ZDHHC21: variants seen among roughly 807,000 people sequenced by gnomAD.
ZDHHC21 encodes zDHHC palmitoyltransferase 21, also known as palmitoyltransferase ZDHHC21.
A neutral mutation model predicts 34.6 loss-of-function variants in ZDHHC21; 15 were observed. That is an observed-to-expected ratio of 0.43 (90% CI 0.29 to 0.67). ZDHHC21 has a LOEUF of 0.67. ZDHHC21 is among the 30% of genes least tolerant of loss of function. The probability of loss-of-function intolerance (pLI) is 0.14; values close to 1 mark genes in which losing one functional copy is unlikely to be tolerated. For missense variants in ZDHHC21, 344 were observed against 327.7 expected (o/e 1.05, Z -0.38); for synonymous variants, 142 against 101.8 (o/e 1.40, Z -2.38).
intron 3 of ZDHHC21, among the ~76,000 whole-genome samples, chr9:14,675,134 G>C (rs963453197): frequency 2.0e-5 from 3 of 151,818 alleles, no homozygotes; most frequent in Non-Finnish European, 4.4e-5. Flanking sequence ...GTTTAAATGA[G>C]GCTTTTTTTA....
At chr9:14,668,604 C>A (rs1834912720) in intron 5 of ZDHHC21, among the ~76,000 whole-genome samples, 1 of 151,728 alleles carries the variant, frequency 6.6e-6, no homozygotes, top group Admixed American at 6.6e-5. Flanking sequence ...TCAAACTATA[C>A]AACAAGGCTA....
chr9:14,601,498 AGATGCTGGAGAG>A, the ZDHHC21 span, among the ~76,000 whole-genome samples: 4 of 152,210 alleles, frequency 2.6e-5, no homozygotes, highest in African/African-American at 9.6e-5. Flanking sequence ...AGGAAACAAC[AGATGCTGGAGAG>A]GATGTGGAAA....
chr9:14,668,662 C>G (rs540593782), intron 5 of ZDHHC21, among the ~76,000 whole-genome samples: 1 of 149,752 alleles, frequency 6.7e-6, no homozygotes, highest in Non-Finnish European at 1.5e-5. Flanking sequence ...AGATATAGAC[C>G]AATGGAACAG....
chr9:14,629,180 G>C (rs1826864237), intron 8 of ZDHHC21, among the ~76,000 whole-genome samples: 1 of 152,210 alleles, frequency 6.6e-6, no homozygotes, highest in Admixed American at 6.5e-5. Flanking sequence ...GATACCAGCA[G>C]TGTCTGGTAC....
At position 14,615,298 on chromosome 9, in the gene ZDHHC21, A is replaced by G. The variant is rs2133386515; in HGVS notation, c.*3668T>C. ...GTGACTTGAATGTGTAACAAAGAAT[A>G]GTTATCATTAGCCATCATACTTAGA... On this transcript the variant is annotated 3_prime_UTR_variant, in exon 10 of 10. Transcript: ENST00000380916. 1 of 151,828 alleles carries G rather than the reference A, an allele frequency of 6.6e-6. No individual in the cohort carries two copies. The highest frequency in any genetic ancestry group is 1.5e-5 in the Non-Finnish European group (1 of 67,690). The allele number at this position is 151,828 out of a possible 1,614,324, so 9.4% of individuals were successfully genotyped here.
chr9:14,690,948 A>T (rs1450206566), intron 1 of ZDHHC21, among the ~76,000 whole-genome samples: 1 of 152,194 alleles, frequency 6.6e-6, no homozygotes, highest in Non-Finnish European at 1.5e-5. Context: ...TCTGAGCCCT[A>T]ATGTTTTACT....
chr9:14,684,103 T>C (rs966478943), intron 2 of ZDHHC21, among the ~76,000 whole-genome samples: 1 of 152,064 alleles, frequency 6.6e-6, no homozygotes, highest in South Asian at 2.1e-4. Flanking sequence ...TCATACTGAA[T>C]GGGCAAAAAC....
At chr9:14,664,693 G>T (rs1358852816) in intron 5 of ZDHHC21, among the ~76,000 whole-genome samples, 1 of 151,868 alleles carries the variant, frequency 6.6e-6, no homozygotes, top group Admixed American at 6.6e-5. Context: ...GTGGGTCCCT[G>T]ACCCCCAAGC....
chr9:14,670,856 A>C (rs924025297), intron 5 of ZDHHC21, among the ~76,000 whole-genome samples: 2 of 152,076 alleles, frequency 1.3e-5, no homozygotes, highest in Non-Finnish European at 2.9e-5. Flanking sequence ...AGCAAGAAAA[A>C]AAATCCATCC....
intron 1 of ZDHHC21, among the ~76,000 whole-genome samples, chr9:14,691,394 C>T (rs1332124925): frequency 6.6e-6 from 1 of 152,176 alleles, no homozygotes; most frequent in Admixed American, 6.5e-5. Context: ...CGGTCTTTTT[C>T]AAGCTATATG....
intron 7 of ZDHHC21, among the ~76,000 whole-genome samples, chr9:14,655,319 G>A (rs1831997778): frequency 6.6e-6 from 1 of 151,908 alleles, no homozygotes; most frequent in African/African-American, 2.4e-5. Flanking sequence ...AACACTGAGA[G>A]AATTTGTTCC....
At chr9:14,601,618 C>A in the ZDHHC21 span, among the ~76,000 whole-genome samples, 2 of 152,154 alleles carry the variant, frequency 1.3e-5, no homozygotes, top group Non-Finnish European at 2.9e-5. Flanking sequence ...ACCAGAATTA[C>A]CATTTAACCC....
intron 7 of ZDHHC21, among the ~76,000 whole-genome samples, chr9:14,644,837 C>CAT (rs141594416): frequency 0.074 from 11,071 of 150,266 alleles, 816 homozygotes; most frequent in African/African-American, 0.2. Context: ...CACACACACA[C>CAT]ATATATATAT....
rs1448360335 is a variant in ZDHHC21 at position 14,615,334 on chromosome 9, T to C, written c.*3632A>G. 1 of 151,668 alleles carries C rather than the reference T, an allele frequency of 6.6e-6. No individual in the cohort carries two copies. The highest frequency in any genetic ancestry group is 1.5e-5 in the Non-Finnish European group (1 of 67,684). The allele number at this position is 151,668 out of a possible 1,614,324, so 9.4% of individuals were successfully genotyped here. A position where few individuals can be genotyped will look rare whatever the true frequency, so the allele number is the denominator to read the frequency against. On this transcript the variant is annotated 3_prime_UTR_variant, in exon 10 of 10. Coordinates refer to ENST00000380916, the MANE Select transcript of ZDHHC21 (RefSeq NM_178566.6). ...GCCATCATACTTAGAGAAAAATGCC[T>C]CTATGCATTGGCAAAAACGCACTGA...
intron 8 of ZDHHC21, among the ~76,000 whole-genome samples, chr9:14,634,727 T>C (rs886233895): frequency 6.6e-6 from 1 of 151,756 alleles, no homozygotes. Flanking sequence ...ATTCAAAAAA[T>C]TGGAAAAAAC....
At chr9:14,655,411 A>T (rs1832026303) in intron 7 of ZDHHC21, among the ~76,000 whole-genome samples, 1 of 152,010 alleles carries the variant, frequency 6.6e-6, no homozygotes. Context: ...ACCAATATGT[A>T]GATAACTCAA....
intron 7 of ZDHHC21, among the ~76,000 whole-genome samples, chr9:14,647,078 G>T (rs1830386005): frequency 6.6e-6 from 1 of 152,036 alleles, no homozygotes; most frequent in South Asian, 2.1e-4. Flanking sequence ...ATGTATAATA[G>T]CAGCAATAAA....
chr9:14,654,624 T>A (rs983084917), intron 7 of ZDHHC21, among the ~76,000 whole-genome samples: 1 of 151,818 alleles, frequency 6.6e-6, no homozygotes, highest in East Asian at 1.9e-4. Context: ...TTTAAAAAAA[T>A]AGATGACAAA....
At chr9:14,666,001 T>C (rs1188097674) in intron 5 of ZDHHC21, among the ~76,000 whole-genome samples, 1 of 149,126 alleles carries the variant, frequency 6.7e-6, no homozygotes, top group East Asian at 2.0e-4. Flanking sequence ...CATAACAATA[T>C]TAACTTTAAA....
Sources: allele counts gnomAD v4.1 joint callset (sites outside exome capture counted in the v4.1 genomes callset), GRCh38; gene constraint gnomAD v4.1.1; transcripts MANE v1.5; gene names NCBI Gene and HGNC (gene_info 2026-07-23, HGNC 2026-07-21).